The following GALNT13 variants were observed in gnomAD, a reference collection of about 807,000 sequenced individuals.
GALNT13 encodes the protein UDP-GalNAc:polypeptide N-acetylgalactosaminyltransferase 13.
A neutral mutation model predicts 64.2 loss-of-function variants in GALNT13; 28 were observed. That is an observed-to-expected ratio of 0.44 (90% CI 0.32 to 0.60). The LOEUF is 0.60. Ranked by LOEUF, GALNT13 falls within the 20% of genes least tolerant of loss-of-function variation. GALNT13 has a pLI of 0.05. For synonymous variants in GALNT13, 214 were observed against 224.6 expected, an observed-to-expected ratio of 0.95 and a Z score of 0.42; for missense variants, 577 against 669.8, an observed-to-expected ratio of 0.86 and a Z score of 1.53.
At chr2:153,402,103 G>T in the GALNT13 span, among the ~76,000 whole-genome samples, 5 of 142,628 alleles carry the variant, frequency 3.5e-5, no homozygotes, top group Non-Finnish European at 7.6e-5. Context: ...TCCTTCAGGA[G>T]CTCTTTTAGG....
intron 12 of GALNT13, among the ~76,000 whole-genome samples, chr2:154,448,782 T>A (rs1701724295): frequency 6.6e-6 from 1 of 152,036 alleles, no homozygotes; most frequent in African/African-American, 2.4e-5. Context: ...ACTACTATGA[T>A]ATGTGATCAA....
At chr2:154,255,783 G>A (rs1559051363) in intron 7 of GALNT13, among the ~76,000 whole-genome samples, 2 of 152,134 alleles carry the variant, frequency 1.3e-5, no homozygotes, top group African/African-American at 2.4e-5. Context: ...CAGGTGTGGT[G>A]ACTAACACCT....
intron 3 of GALNT13, among the ~76,000 whole-genome samples, chr2:154,065,368 G>A (rs1002042951): frequency 1.3e-5 from 2 of 152,084 alleles, no homozygotes; most frequent in African/African-American, 4.8e-5. Context: ...AGATCCTTTG[G>A]ACCTTGAGCA....
intron 8 of GALNT13, among the ~76,000 whole-genome samples, chr2:154,296,851 A>G (rs1441393716): frequency 3.3e-5 from 5 of 152,152 alleles, no homozygotes; most frequent in Non-Finnish European, 7.3e-5. Context: ...TACACCTGCC[A>G]TGGTGGTTTG....
the GALNT13 span, chr2:153,208,035 AATAT>A: frequency 6.6e-6 from 1 of 152,188 alleles, no homozygotes; most frequent in African/African-American, 2.4e-5. Context: ...CTTTTGGTAA[AATAT>A]AAAGGCCAGA....
chr2:154,308,684 A>G (rs1010035904), intron 9 of GALNT13, among the ~76,000 whole-genome samples: 1 of 152,154 alleles, frequency 6.6e-6, no homozygotes, highest in African/African-American at 2.4e-5. Flanking sequence ...TTATTTTTTA[A>G]TACATGCTTT....
chr2:153,079,421 A>AT, the GALNT13 span, among the ~76,000 whole-genome samples: 6 of 152,116 alleles, frequency 3.9e-5, no homozygotes, highest in South Asian at 1.2e-3. Flanking sequence ...AAGTATTTTG[A>AT]TTTTTTTTCT....
chr2:153,839,546 G>T, the GALNT13 span, among the ~76,000 whole-genome samples: 1 of 151,288 alleles, frequency 6.6e-6, no homozygotes, highest in African/African-American at 2.4e-5. Context: ...TGTTAATATT[G>T]TATATTATAT....
chr2:154,072,784 T>C (rs1055251507), intron 3 of GALNT13, among the ~76,000 whole-genome samples: 4 of 152,064 alleles, frequency 2.6e-5, no homozygotes, highest in Non-Finnish European at 1.5e-5. Context: ...CCAAGTTTGC[T>C]ATTGGAAAAT....
At chr2:154,195,222 T>G (rs1686813959) in intron 4 of GALNT13, among the ~76,000 whole-genome samples, 1 of 152,198 alleles carries the variant, frequency 6.6e-6, no homozygotes, top group Non-Finnish European at 1.5e-5. Flanking sequence ...ATTCTTCCTC[T>G]GGGCATTTCT....
chr2:153,136,400 G>A, the GALNT13 span, among the ~76,000 whole-genome samples: 14,662 of 152,012 alleles, frequency 0.096, 786 homozygotes, highest in African/African-American at 0.13. Context: ...ATACTGCCTT[G>A]TGTCTGATCA....
the GALNT13 span, among the ~76,000 whole-genome samples, chr2:153,744,043 T>C: frequency 6.6e-6 from 1 of 152,180 alleles, no homozygotes; most frequent in Admixed American, 6.6e-5. Context: ...CAATCCATTA[T>C]GTATATGTAC....
the GALNT13 span, among the ~76,000 whole-genome samples, chr2:153,833,241 C>A: frequency 6.6e-6 from 1 of 152,056 alleles, no homozygotes; most frequent in Admixed American, 6.6e-5. Flanking sequence ...ATAATGTCAC[C>A]AAAGCACAAG....
chr2:153,274,261 T>G, the GALNT13 span, among the ~76,000 whole-genome samples: 4 of 152,196 alleles, frequency 2.6e-5, no homozygotes, highest in African/African-American at 9.7e-5. Context: ...TATTGGAGAC[T>G]TGGCCTGCCA....
chr2:154,382,787 G>A (rs536139129), intron 9 of GALNT13, among the ~76,000 whole-genome samples: 2 of 149,774 alleles, frequency 1.3e-5, no homozygotes, highest in African/African-American at 4.9e-5. Context: ...CTCTTAAAAC[G>A]TTTTTTTTTT....
intron 2 of GALNT13, among the ~76,000 whole-genome samples, chr2:153,943,761 T>C (rs1878986): frequency 0.77 from 117,763 of 152,198 alleles, 45,990 homozygotes; most frequent in East Asian, 0.96. Flanking sequence ...TCTCAAAGTG[T>C]TGGGATTACA....
At chr2:153,569,544 T>G in the GALNT13 span, among the ~76,000 whole-genome samples, 4 of 151,866 alleles carry the variant, frequency 2.6e-5, no homozygotes, top group African/African-American at 9.7e-5. Flanking sequence ...ATCTTTTTAT[T>G]TTTAATTATT....
chr2:153,166,186 G>C, the GALNT13 span, among the ~76,000 whole-genome samples: 1 of 152,070 alleles, frequency 6.6e-6, no homozygotes, highest in Admixed American at 6.6e-5. Flanking sequence ...TGTGTCTCCT[G>C]GTGTTCATAC....
chr2:154,386,645 T>C (rs1270143214), intron 9 of GALNT13, among the ~76,000 whole-genome samples: 2 of 152,098 alleles, frequency 1.3e-5, no homozygotes, highest in Non-Finnish European at 2.9e-5. Context: ...AAGATAATGC[T>C]GAAATATACA....
Sources: gnomAD v4.1 joint callset for allele counts (sites outside exome capture counted in the v4.1 genomes callset) on GRCh38, gnomAD v4.1.1 for gene constraint, MANE v1.5 for transcripts, NCBI Gene and HGNC (gene_info 2026-07-23, HGNC 2026-07-21) for gene names.